Variants in ZC3H6 observed in about 807,000 individuals in gnomAD.
ZC3H6 encodes zinc finger CCCH-type containing 6.
In ZC3H6, 40 loss-of-function variants were observed where a neutral mutation model predicts 107.7. The ratio of observed to expected loss-of-function variants is 0.37; its 90% CI spans 0.29 to 0.48. ZC3H6 has a LOEUF of 0.48. Among genes scored for constraint, ZC3H6 ranks in the 20% least tolerant of loss-of-function variants. The pLI, the probability that ZC3H6 is intolerant of heterozygous loss-of-function variation, is 0.98. For synonymous variants in ZC3H6, 493 were observed against 487.9 expected (o/e 1.01, Z -0.14); for missense variants, 1,267 against 1,410.4 (o/e 0.90, Z 1.63).
At chr2:112,322,111 T>TCTTCCCTCCTTCCCTC (rs554957986) in intron 8 of ZC3H6, among the ~76,000 whole-genome samples, 5 of 144,108 alleles carry the variant, frequency 3.5e-5, no homozygotes, top group Admixed American at 1.4e-4. Flanking sequence ...CTCCTTCCCG[T>TCTTCCCTCCTTCCCTC]CTTCCCTCCT....
intron 11 of ZC3H6, among the ~76,000 whole-genome samples, chr2:112,329,797 T>TA (rs1293241933): frequency 6.6e-6 from 1 of 152,212 alleles, no homozygotes; most frequent in Non-Finnish European, 1.5e-5. Context: ...TTCTGACTCT[T>TA]ACGTTCTGGC....
In ZC3H6 at chr2:112,333,519, C is replaced by T. The variant is rs1339496031; in HGVS notation, c.*1031C>T. 6.6e-6 allele frequency: 1 copy of T among 152,182 alleles called. No homozygotes were observed. Among genetic ancestry groups the T allele is most frequent in the Non-Finnish European group, 1.5e-5 (1 of 67,970 alleles). The allele number at this position is 152,182 out of a possible 1,614,324, so 9.4% of individuals were successfully genotyped here. ...ATCTCACCCGGCTGGCATTCTGTAA[C>T]AGAGGGGATTACCTGGTGTTTTAAG... On this transcript the variant is annotated 3_prime_UTR_variant, in exon 12 of 12. Transcript: ENST00000409871.
chr2:112,282,810 A>G (rs557230561), intron 1 of ZC3H6, among the ~76,000 whole-genome samples: 2 of 152,356 alleles, frequency 1.3e-5, no homozygotes, highest in East Asian at 3.9e-4. Flanking sequence ...ATAAATGACT[A>G]GAAGTTTTAA....
At position 112,322,788 on chromosome 2, in the gene ZC3H6, C is replaced by A; in HGVS notation, c.1226C>A (p.Ser409Tyr). 1 of 1,613,930 alleles carries A rather than the reference C, an allele frequency of 6.2e-7. No homozygotes were observed. The highest frequency in any genetic ancestry group is 1.1e-5 in the South Asian group (1 of 91,046). Residue 409 changes from serine to tyrosine, a missense_variant, in exon 9 of 12, where the codon TCT becomes TAT. Around this residue, in one of 3 missense-constraint regions of ZC3H6, gnomAD observed 925 missense variants for 1,025.7 expected, o/e 0.90. Coordinates refer to ENST00000409871, the MANE Select transcript of ZC3H6 (RefSeq NM_198581.3). ...LPTPPEHFPF[S>Y]DPEDDFQTDF... ...ACCCCTCCAGAGCATTTTCCCTTTT[C>A]TGATCCTGAAGACGATTTTCAGACA...
rs796662341 is a variant in ZC3H6 at position 112,318,293 on chromosome 2, T to C, written c.976+961T>C. Reference sequence around the variant, plus strand: ...AATCCAGAAGCAAAAAGGGAACAGATTGAAATTTTGACTCCATGAAAAAGC... The same window carrying C: ...AATCCAGAAGCAAAAAGGGAACAGACTGAAATTTTGACTCCATGAAAAAGC... On this transcript the variant is annotated intron_variant, in intron 7 of 11. Transcript: ENST00000409871. Among the ~76,000 whole-genome samples the C allele has an allele frequency of 1.3e-4, 20 of 152,254 alleles. 1 individual carries two copies. Among genetic ancestry groups the C allele is most frequent in the African/African-American group, 4.8e-4 (20 of 41,542 alleles).
chr2:112,280,265 TTC>T (rs1352733061), intron 1 of ZC3H6, among the ~76,000 whole-genome samples: 4 of 152,224 alleles, frequency 2.6e-5, no homozygotes, highest in Admixed American at 6.5e-5. Context: ...ATTAACTTAC[TTC>T]TGATTCCTGA....
intron 1 of ZC3H6, among the ~76,000 whole-genome samples, chr2:112,280,372 G>A (rs1418634834): frequency 6.6e-6 from 1 of 152,144 alleles, no homozygotes; most frequent in African/African-American, 2.4e-5. Flanking sequence ...ATGTTGTAAA[G>A]CACTCTGACT....
chr2:112,275,960 C>T lies in ZC3H6; in HGVS notation c.-35C>T, dbSNP rs960871473. The T allele has an allele frequency of 2.0e-6, 3 of 1,521,312 alleles. No individual in the cohort carries two copies. Among genetic ancestry groups the T allele is most frequent in the African/African-American group, 2.9e-5 (2 of 69,718 alleles). 94.2% of individuals were successfully genotyped at this position (1,521,312 alleles called of 1,614,324 possible). On this transcript the variant is annotated 5_prime_UTR_variant, in exon 1 of 12. Transcript: ENST00000409871. ...GCCCCGCCGCCGCCGGCCTCGCAGA[C>T]CTGCCCTCCAGCCCCGCCCCGTTCT...
intron 11 of ZC3H6, among the ~76,000 whole-genome samples, chr2:112,328,193 A>G (rs748430726): frequency 3.3e-5 from 5 of 152,010 alleles, no homozygotes; most frequent in Admixed American, 6.6e-5. Flanking sequence ...TGCCCAGCTT[A>G]TGTGTCTGTT....
chr2:112,334,359 T>C lies in ZC3H6; in HGVS notation c.*1871T>C, dbSNP rs1677102160. On this transcript the variant is annotated 3_prime_UTR_variant, in exon 12 of 12. Transcript: ENST00000409871. The stretch of plus-strand genomic sequence containing the variant: ...ATTTTTAGCAAATCTTTCATTCATG[T>C]AGTTTATAATTATTGTGTCAAGCAG... 1.3e-5 allele frequency: 2 copies of C among 152,060 alleles called. No homozygotes were observed. The highest frequency in any genetic ancestry group is 1.3e-4 in the Admixed American group (2 of 15,266). 9.4% of individuals were successfully genotyped at this position (152,060 alleles called of 1,614,324 possible).
intron 11 of ZC3H6, among the ~76,000 whole-genome samples, chr2:112,326,170 A>G (rs1262193664): frequency 6.6e-6 from 1 of 152,188 alleles, no homozygotes; most frequent in Non-Finnish European, 1.5e-5. Flanking sequence ...CAGGGTAAAT[A>G]GAGTATCCAC....
intron 5 of ZC3H6, chr2:112,312,162 A>T: frequency 2.3e-6 from 1 of 440,296 alleles, no homozygotes; most frequent in Non-Finnish European, 3.9e-6. Flanking sequence ...GTTTGAAAGA[A>T]CCTCAAAATA....
intron 10 of ZC3H6, 74 bp from the exon 11 acceptor site, chr2:112,324,890 A>C (rs1676877877): frequency 7.5e-7 from 1 of 1,337,844 alleles, no homozygotes; most frequent in African/African-American, 1.5e-5. Context: ...CCTGTGATGA[A>C]AGCTTTCATT....
Position 112,309,986 on chromosome 2 carries a change from C to G in ZC3H6, c.438C>G (p.Asp146Glu), listed in dbSNP as rs750760194. 1.7e-5 allele frequency: 27 copies of G among 1,613,156 alleles called. No homozygotes were observed. The South Asian group carries it at 3.0e-4, about 18-fold the overall frequency. The part of the protein sequence containing the change: ...EYDEYSTYSD[D>E]NFGNYSDDNF... ...ATGAGTACAGCACCTACAGTGATGA[C>G]AACTTCGGTAACTACAGTGATGACA... Residue 146 changes from aspartate (D) to glutamate (E), a missense_variant, in exon 4 of 12, where the codon GAC becomes GAG. Asp to Glu is a conservative substitution (Grantham distance 45, BLOSUM62 2). Transcript: ENST00000409871.
chr2:112,330,432 TA>T (rs1677004615), intron 11 of ZC3H6, among the ~76,000 whole-genome samples: 1 of 152,120 alleles, frequency 6.6e-6, no homozygotes, highest in Non-Finnish European at 1.5e-5. Context: ...TAATAAAGAG[TA>T]AATGAAAAGT....
At chr2:112,312,224 G>C (rs540605766) in intron 5 of ZC3H6, 16 of 228,984 alleles carry the variant, frequency 7.0e-5, no homozygotes, top group Non-Finnish European at 1.3e-4. Flanking sequence ...CTTCTTTTGT[G>C]CTTTTCTTTC....
chr2:112,295,362 C>G (rs1676212930), intron 1 of ZC3H6, among the ~76,000 whole-genome samples: 2 of 152,022 alleles, frequency 1.3e-5, no homozygotes, highest in Admixed American at 1.3e-4. Flanking sequence ...CAAAACAGCT[C>G]TTATATAATA....
At chr2:112,276,472 A>C (rs1686426926) in intron 1 of ZC3H6, among the ~76,000 whole-genome samples, 1 of 151,902 alleles carries the variant, frequency 6.6e-6, no homozygotes. Flanking sequence ...AAAAATAAAC[A>C]TTTGGTTTTC....
At position 112,313,857 on chromosome 2, in the gene ZC3H6, C is replaced by T. The variant is rs115314867; in HGVS notation, c.747+1920C>T. Among the ~76,000 whole-genome samples the T allele has an allele frequency of 3.9e-3, 591 of 152,184 alleles. 7 individuals are homozygous for T. The highest frequency in any genetic ancestry group is 0.013 in the African/African-American group (559 of 41,514). On this transcript the variant is annotated intron_variant, in intron 5 of 11. Transcript: ENST00000409871. ...GAGAGTCTCCAAAGCCAAATCAATTCGGGGTACCTTCAGATTCATCATAAT... is the reference window on the plus strand; with the variant it reads ...GAGAGTCTCCAAAGCCAAATCAATTTGGGGTACCTTCAGATTCATCATAAT...
Sources: gnomAD v4.1 joint callset for allele counts (sites outside exome capture counted in the v4.1 genomes callset) on GRCh38, gnomAD v4.1.1 for gene constraint, gnomAD v4.1.1 regional missense constraint, MANE v1.5 for transcripts, NCBI Gene and HGNC (gene_info 2026-07-23, HGNC 2026-07-21) for gene names.